Variants in GALNT13 observed in about 807,000 individuals in gnomAD.
GALNT13 encodes polypeptide N-acetylgalactosaminyltransferase 13.
In GALNT13, 28 loss-of-function variants were observed where a neutral mutation model predicts 64.2. The ratio of observed to expected loss-of-function variants is 0.44; its 90% confidence interval spans 0.32 to 0.60. The LOEUF (loss-of-function observed/expected upper bound fraction) is 0.60. Among genes scored for constraint, GALNT13 ranks in the 20% least tolerant of loss-of-function variants. The pLI, the probability that GALNT13 is intolerant of heterozygous loss-of-function variation, is 0.05. For missense variants in GALNT13, 577 were observed against 669.8 expected, an observed-to-expected ratio of 0.86 and a Z score of 1.53; for synonymous variants, 214 against 224.6, an observed-to-expected ratio of 0.95 and a Z score of 0.42.
chr2:153,753,294 G>T, the GALNT13 span, among the ~76,000 whole-genome samples: 2 of 152,136 alleles, frequency 1.3e-5, no homozygotes, highest in Non-Finnish European at 2.9e-5. Context: ...GGATGGTCTT[G>T]ATACTTATAG....
At chr2:154,313,383 CTATATT>C (rs1694154456) in intron 9 of GALNT13, among the ~76,000 whole-genome samples, 1 of 145,826 alleles carries the variant, frequency 6.9e-6, no homozygotes, top group Non-Finnish European at 1.5e-5. Flanking sequence ...TCTATATACA[CTATATT>C]TATATATGTA....
the GALNT13 span, among the ~76,000 whole-genome samples, chr2:153,449,003 TC>T: frequency 6.6e-6 from 1 of 152,122 alleles, no homozygotes; most frequent in Non-Finnish European, 1.5e-5. Context: ...TGTCTCTCTC[TC>T]CCTGTTTTTC....
intron 12 of GALNT13, among the ~76,000 whole-genome samples, chr2:154,439,119 T>C (rs974151312): frequency 1.3e-5 from 2 of 152,232 alleles, no homozygotes; most frequent in Non-Finnish European, 1.5e-5. Context: ...CTGACATTTA[T>C]GTTCCTCAAC....
chr2:153,837,022 C>T, the GALNT13 span, among the ~76,000 whole-genome samples: 6 of 151,178 alleles, frequency 4.0e-5, no homozygotes, highest in Admixed American at 1.3e-4. Context: ...GGTATATACC[C>T]AGTAATGGGA....
At chr2:154,240,758 G>A (rs1423087643) in intron 4 of GALNT13, among the ~76,000 whole-genome samples, 1 of 152,212 alleles carries the variant, frequency 6.6e-6, no homozygotes, top group Non-Finnish European at 1.5e-5. Context: ...CTTGTCACAA[G>A]GACAGAGGAC....
intron 3 of GALNT13, among the ~76,000 whole-genome samples, chr2:153,975,313 T>G (rs1047393266): frequency 6.6e-6 from 1 of 152,040 alleles, no homozygotes; most frequent in African/African-American, 2.4e-5. Flanking sequence ...CCCTGCTCCT[T>G]TTTTACTGGT....
the GALNT13 span, among the ~76,000 whole-genome samples, chr2:153,630,752 T>A: frequency 7.2e-5 from 8 of 111,282 alleles, no homozygotes; most frequent in East Asian, 5.7e-4. Flanking sequence ...TAAAAAAAAA[T>A]TTTAGGCTTC....
intron 8 of GALNT13, among the ~76,000 whole-genome samples, chr2:154,271,353 A>C (rs1447982570): frequency 6.6e-6 from 1 of 152,026 alleles, no homozygotes; most frequent in Non-Finnish European, 1.5e-5. Flanking sequence ...AACTAAACAA[A>C]CTAAAAATTT....
At chr2:153,631,935 T>C in the GALNT13 span, among the ~76,000 whole-genome samples, 4 of 152,178 alleles carry the variant, frequency 2.6e-5, no homozygotes, top group Non-Finnish European at 4.4e-5. Flanking sequence ...GTTTGGTTTT[T>C]ATGGTTTTAA....
chr2:154,333,262 C>A (rs967623063), intron 9 of GALNT13, among the ~76,000 whole-genome samples: 4 of 151,256 alleles, frequency 2.6e-5, no homozygotes, highest in Non-Finnish European at 4.4e-5. Context: ...TAGTTGTATT[C>A]GAAACTATAT....
chr2:154,166,913 T>G (rs1685059122), intron 4 of GALNT13, among the ~76,000 whole-genome samples: 2 of 149,390 alleles, frequency 1.3e-5, no homozygotes, highest in East Asian at 2.0e-4. Flanking sequence ...CACTCATAGG[T>G]GGGAATTGAA....
At chr2:153,982,429 A>G (rs1694524626) in intron 3 of GALNT13, among the ~76,000 whole-genome samples, 1 of 152,112 alleles carries the variant, frequency 6.6e-6, no homozygotes, top group African/African-American at 2.4e-5. Flanking sequence ...ATGTCACTTT[A>G]CGAATCTGTG....
chr2:153,663,535 C>T, the GALNT13 span, among the ~76,000 whole-genome samples: 1 of 152,110 alleles, frequency 6.6e-6, no homozygotes, highest in East Asian at 1.9e-4. Flanking sequence ...AATTTCATTA[C>T]CTGAAAGTCA....
At chr2:154,171,672 G>T (rs540723099) in intron 4 of GALNT13, among the ~76,000 whole-genome samples, 2 of 152,084 alleles carry the variant, frequency 1.3e-5, no homozygotes, top group Non-Finnish European at 2.9e-5. Flanking sequence ...TCCTGGATGT[G>T]TTATTAAGAC....
At chr2:153,349,139 T>C in the GALNT13 span, among the ~76,000 whole-genome samples, 4 of 152,124 alleles carry the variant, frequency 2.6e-5, no homozygotes, top group Non-Finnish European at 5.9e-5. Context: ...CAAGCATTTA[T>C]CAGTTGTTGA....
intron 9 of GALNT13, among the ~76,000 whole-genome samples, chr2:154,353,396 A>G (rs900332876): frequency 2.0e-5 from 3 of 152,212 alleles, no homozygotes; most frequent in South Asian, 2.1e-4. Context: ...TAACATATCC[A>G]TCACCTCACA....
chr2:153,151,732 A>G, the GALNT13 span, among the ~76,000 whole-genome samples: 6 of 152,090 alleles, frequency 3.9e-5, no homozygotes, highest in African/African-American at 1.4e-4. Context: ...TCGCAAGGAC[A>G]AAAAACCAAA....
In GALNT13 at chr2:154,077,421, T is replaced by G. The variant is rs139948630; in HGVS notation, c.143-62916T>G. ...ATCATGAGGTCTGAATAGAATCAGGTAATTCCCAAGAGACATGCAAGATAA... is the reference window on the plus strand; with the variant it reads ...ATCATGAGGTCTGAATAGAATCAGGGAATTCCCAAGAGACATGCAAGATAA... On this transcript the variant is annotated intron_variant, in intron 3 of 12. Transcript: ENST00000392825. Among the ~76,000 whole-genome samples the G allele has an allele frequency of 5.2e-3, 792 of 151,652 alleles. 4 individuals carry two copies. Among genetic ancestry groups the G allele is most frequent in the Middle Eastern group, 0.01 (3 of 294 alleles).
the GALNT13 span, among the ~76,000 whole-genome samples, chr2:153,134,689 CCA>C: frequency 6.6e-6 from 1 of 152,106 alleles, no homozygotes; most frequent in Non-Finnish European, 1.5e-5. Context: ...AAGCCCAAAC[CCA>C]CACCTAGGCC....
Sources: allele counts gnomAD v4.1 joint callset (sites outside exome capture counted in the v4.1 genomes callset), GRCh38; gene constraint gnomAD v4.1.1; transcripts MANE v1.5; gene names NCBI Gene and HGNC (gene_info 2026-07-23, HGNC 2026-07-21).